IL31RA: variants seen among roughly 807,000 people sequenced by gnomAD.
IL31RA encodes interleukin-31 receptor subunit alpha.
IL31RA carries 66 observed loss-of-function variants against 83.7 expected under a neutral mutation model. That is an observed-to-expected ratio of 0.79 (90% CI 0.65 to 0.97). The LOEUF (loss-of-function observed/expected upper bound fraction) is 0.97, where lower values mean the gene tolerates loss of function less well. Among genes scored for constraint, IL31RA ranks in the 50% least tolerant of loss-of-function variants. The pLI, the probability that IL31RA is intolerant of heterozygous loss-of-function variation, is 0.00. For missense variants in IL31RA, 798 were observed against 919.4 expected, an observed-to-expected ratio of 0.87 and a Z score of 1.71; for synonymous variants, 325 against 329.0, an observed-to-expected ratio of 0.99 and a Z score of 0.13.
chr5:55,854,526 C>A (rs1745241816), intron 1 of IL31RA, among the ~76,000 whole-genome samples: 1 of 152,064 alleles, frequency 6.6e-6, no homozygotes, highest in South Asian at 2.1e-4. Flanking sequence ...AGGTGGATCA[C>A]CTGAGGTCAG....
At chr5:55,890,993 G>A (rs891193833) in intron 6 of IL31RA, among the ~76,000 whole-genome samples, 1 of 152,162 alleles carries the variant, frequency 6.6e-6, no homozygotes, top group African/African-American at 2.4e-5. Flanking sequence ...TATTGAAATA[G>A]AATATGTAAG....
chr5:55,859,494 T>C lies in IL31RA; in HGVS notation c.64-15T>C. ...GATATGAAGCAAACCAACTCTTGAC[T>C]GATGTCATTTTCAGCTCTCTCCCCA... On this transcript the variant is annotated splice_polypyrimidine_tract_variant and intron_variant, in intron 1 of 14. Coordinates refer to ENST00000652347, the MANE Select transcript of IL31RA (RefSeq NM_139017.7). 2 of 1,600,020 alleles carry C rather than the reference T, an allele frequency of 1.2e-6. No individual in the cohort carries two copies. Among genetic ancestry groups the C allele is most frequent in the Non-Finnish European group, 1.7e-6 (2 of 1,167,152 alleles).
In IL31RA at chr5:55,917,393, G is replaced by T; in HGVS notation, c.*273G>T. On this transcript the variant is annotated 3_prime_UTR_variant, in exon 15 of 15. Transcript: ENST00000652347. ...AAGCTCTCACCGAGGCCTCCTGACA[G>T]ATTGACTTTGAAGGAAGGGCCCAGG... The T allele has an allele frequency of 8.2e-7, 1 of 1,214,636 alleles. No individual in the cohort carries two copies. The highest frequency in any genetic ancestry group is 1.7e-5 in the South Asian group (1 of 59,302). 75.2% of individuals were successfully genotyped at this position (1,214,636 alleles called of 1,614,324 possible).
intron 10 of IL31RA, 97 bp from the exon 11 acceptor site, chr5:55,908,168 C>T (rs1025875482): frequency 1.3e-5 from 20 of 1,574,598 alleles, no homozygotes; most frequent in Non-Finnish European, 1.6e-5. Flanking sequence ...GCCTCCAGCA[C>T]TATGGTTTGG....
At position 55,867,057 on chromosome 5, in the gene IL31RA, CTCTTAGT is replaced by C. The variant is rs1297754753; in HGVS notation, c.155-1725_155-1719del. On this transcript the variant is annotated intron_variant, in intron 2 of 14. Coordinates refer to ENST00000652347, the MANE Select transcript of IL31RA (RefSeq NM_139017.7). ...GAACATGGCCCTTAGTCTAAAATTG[CTCTTAGT>C]TCTTAGTTGTGCATGTGTGTTTGTG... Among the ~76,000 whole-genome samples the C allele has an allele frequency of 7.2e-5, 11 of 151,928 alleles. No individual in the cohort carries two copies. The South Asian group carries it at 1.5e-3, about 20-fold the overall frequency.
intron 2 of IL31RA, among the ~76,000 whole-genome samples, chr5:55,868,367 G>T (rs1334691918): frequency 6.6e-6 from 1 of 152,178 alleles, no homozygotes; most frequent in African/African-American, 2.4e-5. Context: ...TTCTGGAAAA[G>T]AAAATTGTTG....
At position 55,883,700 on chromosome 5, in the gene IL31RA, A is replaced by G. The variant is rs368572634; in HGVS notation, c.606+505A>G. ...ACCCTTTGCTCATGACCTCTGTTAG[A>G]GCTGTTACCCTGATTTTCATGGTAA... On this transcript the variant is annotated intron_variant, in intron 5 of 14. Coordinates refer to ENST00000652347, the MANE Select transcript of IL31RA (RefSeq NM_139017.7). Among the ~76,000 whole-genome samples, 14 of 152,256 alleles carry G rather than the reference A, an allele frequency of 9.2e-5. No homozygotes were observed. In the South Asian group the frequency reaches 2.9e-3, roughly 32 times the overall value.
intron 6 of IL31RA, among the ~76,000 whole-genome samples, chr5:55,891,555 T>C (rs1747994303): frequency 6.6e-6 from 1 of 151,928 alleles, no homozygotes; most frequent in Non-Finnish European, 1.5e-5. Flanking sequence ...ACAATACTTA[T>C]CCCCCCATCA....
At chr5:55,857,290 G>A (rs1745418937) in intron 1 of IL31RA, among the ~76,000 whole-genome samples, 1 of 151,972 alleles carries the variant, frequency 6.6e-6, no homozygotes, top group African/African-American at 2.4e-5. Flanking sequence ...TTGTAGAGAT[G>A]GGGTATCACC....
intron 2 of IL31RA, 48 bp downstream of exon 2, chr5:55,859,647 T>C (rs767308136): frequency 7.8e-7 from 1 of 1,277,310 alleles, no homozygotes. Context: ...ATTATTGCCT[T>C]CTTTGGACAA....
At chr5:55,876,411 T>A (rs920483711) in intron 4 of IL31RA, among the ~76,000 whole-genome samples, 7 of 152,088 alleles carry the variant, frequency 4.6e-5, no homozygotes, top group Non-Finnish European at 8.8e-5. Context: ...TCTCAAAAAA[T>A]ATATATATTT....
chr5:55,896,061 T>A (rs2112498133), intron 6 of IL31RA, among the ~76,000 whole-genome samples: 1 of 152,360 alleles, frequency 6.6e-6, no homozygotes, highest in East Asian at 1.9e-4. Flanking sequence ...TTGATCTAGA[T>A]TTGGGTGACA....
intron 5 of IL31RA, among the ~76,000 whole-genome samples, chr5:55,885,021 T>C (rs1315107678): frequency 1.3e-5 from 2 of 152,184 alleles, no homozygotes; most frequent in African/African-American, 4.8e-5. Context: ...TTAATAAAAA[T>C]GGTGACTACA....
intron 13 of IL31RA, 51 bp downstream of exon 13, chr5:55,913,621 G>A (rs1000161949): frequency 8.5e-7 from 1 of 1,180,186 alleles, no homozygotes. Context: ...ACAAAAAGGG[G>A]TTGAAGTCAT....
intron 7 of IL31RA, 95 bp downstream of exon 7, chr5:55,896,524 T>TCCTTC (rs757006839): frequency 0.013 from 8,481 of 637,192 alleles, 133 homozygotes; most frequent in African/African-American, 0.059. Flanking sequence ...CCTTCCATCC[T>TCCTTC]CCTTCCCTTC....
At chr5:55,889,621 C>T (rs550512424) in intron 5 of IL31RA, among the ~76,000 whole-genome samples, 35 of 152,176 alleles carry the variant, frequency 2.3e-4, no homozygotes, top group Non-Finnish European at 4.4e-4. Flanking sequence ...GTGTTGGAGT[C>T]ACCTCCTAGG....
intron 8 of IL31RA, 67 bp from the exon 9 acceptor site, chr5:55,906,039 C>T: frequency 1.3e-6 from 2 of 1,495,930 alleles, no homozygotes; most frequent in East Asian, 2.3e-5. Flanking sequence ...ATGAGGATGC[C>T]AGTGTGGTTG....
upstream of IL31RA, among the ~76,000 whole-genome samples, chr5:55,847,343 C>A (rs1037241475): frequency 4.6e-5 from 7 of 151,594 alleles, no homozygotes; most frequent in South Asian, 2.1e-4. Flanking sequence ...ACCTGTAATC[C>A]CAGCACTTTG....
At chr5:55,904,449 C>T (rs1357881563) in intron 8 of IL31RA, among the ~76,000 whole-genome samples, 4 of 152,064 alleles carry the variant, frequency 2.6e-5, no homozygotes, top group African/African-American at 7.2e-5. Context: ...TGCTTCCAGG[C>T]GGTGAGCAGG....
Sources: gnomAD v4.1 joint callset for allele counts (sites outside exome capture counted in the v4.1 genomes callset) on GRCh38, gnomAD v4.1.1 for gene constraint, MANE v1.5 for transcripts, NCBI Gene and HGNC (gene_info 2026-07-23, HGNC 2026-07-21) for gene names.